Variants in SORCS2 observed in about 807,000 individuals in gnomAD.
The protein encoded by SORCS2 is sortilin related VPS10 domain containing receptor 2.
In SORCS2, 100 loss-of-function variants were observed where a neutral mutation model predicts 141.6. The ratio of observed to expected loss-of-function variants is 0.71; its 90% CI spans 0.60 to 0.83. The LOEUF (loss-of-function observed/expected upper bound fraction) is 0.83, where lower values mean the gene tolerates loss of function less well. Ranked by LOEUF, SORCS2 falls within the 40% of genes least tolerant of loss-of-function variation. SORCS2 has a pLI of 0.00. For synonymous variants in SORCS2, 789 were observed against 676.9 expected (o/e 1.17, Z -2.57); for missense variants, 1,646 against 1,560.2 (o/e 1.05, Z -0.93).
chr4:7,256,735 G>T (rs1406133683), intron 1 of SORCS2, among the ~76,000 whole-genome samples: 1 of 151,072 alleles, frequency 6.6e-6, no homozygotes, highest in South Asian at 2.1e-4. Context: ...CTCGCATGAT[G>T]GGGGGTTGGG....
chr4:7,534,395 A>T (rs1471829293), intron 3 of SORCS2, among the ~76,000 whole-genome samples: 2 of 152,218 alleles, frequency 1.3e-5, no homozygotes, highest in Non-Finnish European at 2.9e-5. Flanking sequence ...GGTGGGCTTG[A>T]CAGGTGAGTG....
chr4:7,312,772 G>A (rs1344977211), intron 1 of SORCS2, among the ~76,000 whole-genome samples: 2 of 152,240 alleles, frequency 1.3e-5, no homozygotes, highest in African/African-American at 2.4e-5. Context: ...AGGAGCTCTG[G>A]CTTCCACTGC....
At chr4:7,219,191 T>TG (rs1728552334) in intron 1 of SORCS2, among the ~76,000 whole-genome samples, 1 of 152,146 alleles carries the variant, frequency 6.6e-6, no homozygotes. Flanking sequence ...TGTGTGTCTG[T>TG]TCATGTCTAT....
intron 17 of SORCS2, among the ~76,000 whole-genome samples, chr4:7,716,329 C>G (rs574778089): frequency 2.0e-5 from 3 of 151,888 alleles, no homozygotes; most frequent in Non-Finnish European, 4.4e-5. Flanking sequence ...CCCACCCATC[C>G]ATGCAATCAC....
intron 8 of SORCS2, among the ~76,000 whole-genome samples, chr4:7,674,823 C>G (rs1723012862): frequency 6.6e-6 from 1 of 151,410 alleles, no homozygotes; most frequent in South Asian, 2.1e-4. Flanking sequence ...AAAAAAAAGC[C>G]CTTCCCTAGG....
chr4:7,537,264 A>G (rs1712210487), intron 3 of SORCS2, among the ~76,000 whole-genome samples: 1 of 152,092 alleles, frequency 6.6e-6, no homozygotes, highest in South Asian at 2.1e-4. Context: ...AGGCTCTCCA[A>G]ACCCCCTTCA....
At chr4:7,391,875 A>G (rs986514624) in intron 1 of SORCS2, among the ~76,000 whole-genome samples, 2 of 152,106 alleles carry the variant, frequency 1.3e-5, no homozygotes, top group African/African-American at 4.8e-5. Context: ...TGGGTGCACA[A>G]TGGGTGAATA....
chr4:7,705,987 CAGGCTGGCCTCTGCCTGGACAGGGATG>C (rs1210946073), intron 14 of SORCS2, among the ~76,000 whole-genome samples: 2 of 152,322 alleles, frequency 1.3e-5, no homozygotes, highest in Non-Finnish European at 2.9e-5. Context: ...CCATCCTGCC[CAGGCTGGCCTCTGCCTGGACAGGGATG>C]AGGCTGGGCT....
At chr4:7,452,773 C>A (rs139719230) in intron 2 of SORCS2, among the ~76,000 whole-genome samples, 1 of 152,260 alleles carries the variant, frequency 6.6e-6, no homozygotes, top group African/African-American at 2.4e-5. Flanking sequence ...TCCAGCAGAG[C>A]GTAAGAGCTT....
chr4:7,527,958 ACT>A (rs2109532744), intron 2 of SORCS2, among the ~76,000 whole-genome samples: 1 of 151,238 alleles, frequency 6.6e-6, no homozygotes, highest in Admixed American at 6.6e-5. Flanking sequence ...GTCTCCCAGG[ACT>A]CTCTGGACGT....
At chr4:7,241,256 G>A (rs1478711547) in intron 1 of SORCS2, among the ~76,000 whole-genome samples, 1 of 152,162 alleles carries the variant, frequency 6.6e-6, no homozygotes, top group African/African-American at 2.4e-5. Flanking sequence ...TTCCTGGGGG[G>A]CCGGTGGGGC....
intron 2 of SORCS2, among the ~76,000 whole-genome samples, chr4:7,502,436 G>T (rs1732028973): frequency 6.6e-6 from 1 of 152,182 alleles, no homozygotes; most frequent in Non-Finnish European, 1.5e-5. Flanking sequence ...TGAATGCGAA[G>T]GAAAGCCATC....
At chr4:7,386,679 A>G (rs1723361774) in intron 1 of SORCS2, among the ~76,000 whole-genome samples, 1 of 151,576 alleles carries the variant, frequency 6.6e-6, no homozygotes, top group Non-Finnish European at 1.5e-5. Context: ...ACATAGGTAC[A>G]TGCATGCACA....
chr4:7,314,052 G>A lies in SORCS2; in HGVS notation c.481-82236G>A, dbSNP rs1281452630. The stretch of plus-strand genomic sequence containing the variant: ...GGAAACTTCCAGAAACTTTCCCAGA[G>A]GCTGGAGCCCCCAGATCCCCAACCC... On this transcript the variant is annotated intron_variant, in intron 1 of 26. Coordinates refer to ENST00000507866, the MANE Select transcript of SORCS2 (RefSeq NM_020777.3). Among the ~76,000 whole-genome samples, 4 of 152,210 alleles carry A rather than the reference G, an allele frequency of 2.6e-5. No homozygotes were observed. In the East Asian group the frequency reaches 7.7e-4, roughly 29 times the overall value.
intron 3 of SORCS2, among the ~76,000 whole-genome samples, chr4:7,582,376 C>T (rs1716215237): frequency 6.6e-6 from 1 of 152,222 alleles, no homozygotes; most frequent in Non-Finnish European, 1.5e-5. Context: ...GATTATGTCA[C>T]ACTTCACTTA....
chr4:7,436,903 G>T (rs917500687), intron 2 of SORCS2, among the ~76,000 whole-genome samples: 2 of 152,170 alleles, frequency 1.3e-5, no homozygotes, highest in Non-Finnish European at 2.9e-5. Context: ...GGCATGCGTC[G>T]TGTGTGTTGA....
Position 7,631,496 on chromosome 4 carries a change from G to A in SORCS2, c.649-6832G>A, listed in dbSNP as rs548401846. On this transcript the variant is annotated intron_variant, in intron 3 of 26. Coordinates refer to ENST00000507866, the MANE Select transcript of SORCS2 (RefSeq NM_020777.3). ...GTCGACTCTGGCCCACCCTGTGTGA[G>A]CTGTGTCTCATCTGCAGAAATGCTC... is the stretch of plus-strand genomic sequence containing the variant. Among the ~76,000 whole-genome samples the A allele has an allele frequency of 1.1e-4, 16 of 152,280 alleles. No homozygotes were observed. In the South Asian group the frequency reaches 3.3e-3, roughly 32 times the overall value.
intron 3 of SORCS2, among the ~76,000 whole-genome samples, chr4:7,557,551 G>C (rs376995735): frequency 3.9e-5 from 6 of 152,320 alleles, no homozygotes; most frequent in African/African-American, 1.4e-4. Flanking sequence ...TGGAGACTGA[G>C]AATTGGATTA....
intron 2 of SORCS2, among the ~76,000 whole-genome samples, chr4:7,513,340 C>G (rs574894506): frequency 6.6e-6 from 1 of 152,284 alleles, no homozygotes; most frequent in South Asian, 2.1e-4. Flanking sequence ...ACCTGCCCCC[C>G]AACCCTGCAG....
Sources: gnomAD v4.1 joint callset for allele counts (sites outside exome capture counted in the v4.1 genomes callset) on GRCh38, gnomAD v4.1.1 for gene constraint, MANE v1.5 for transcripts, NCBI Gene and HGNC (gene_info 2026-07-23, HGNC 2026-07-21) for gene names.